The following EVI5 variants were observed in gnomAD, a reference collection of about 807,000 sequenced individuals.
EVI5 encodes the protein ecotropic viral integration site 5 protein homolog.
EVI5 carries 73 observed loss-of-function variants against 112.0 expected under a neutral mutation model. The observed-to-expected ratio is 0.65, with a 90% CI of 0.54 to 0.79. The LOEUF is 0.79. Among genes scored for constraint, EVI5 ranks in the 30% least tolerant of loss-of-function variants. The probability of loss-of-function intolerance (pLI) is 0.00; values close to 1 mark genes in which losing one functional copy is unlikely to be tolerated. For synonymous variants in EVI5, 305 were observed against 319.9 expected, an observed-to-expected ratio of 0.95 and a Z score of 0.50; for missense variants, 900 against 968.8, an observed-to-expected ratio of 0.93 and a Z score of 0.94.
intron 5 of EVI5, among the ~76,000 whole-genome samples, chr1:92,699,650 T>A (rs6660136): frequency 0.57 from 87,418 of 152,038 alleles, 26,914 homozygotes; most frequent in East Asian, 0.92. Context: ...CTAGGCTATA[T>A]GCTATATAGC....
intron 5 of EVI5, among the ~76,000 whole-genome samples, chr1:92,698,268 C>G (rs945493086): frequency 6.6e-6 from 1 of 152,214 alleles, no homozygotes; most frequent in South Asian, 2.1e-4. Flanking sequence ...ATACTTTTCT[C>G]TCTCTGGGTA....
intron 18 of EVI5, chr1:92,580,904 T>C (rs1209254015): frequency 1.3e-5 from 2 of 152,238 alleles, no homozygotes; most frequent in East Asian, 3.8e-4. Flanking sequence ...ATTGAATTAA[T>C]GTTAAGTTGT....
chr1:92,569,399 A>T, intron 18 of EVI5, among the ~76,000 whole-genome samples: 1 of 152,180 alleles, frequency 6.6e-6, no homozygotes, highest in Admixed American at 6.5e-5. Flanking sequence ...AGCCTCTGAT[A>T]ATTTAAATGG....
chr1:92,713,938 T>A, intron 2 of EVI5: 1 of 775,074 alleles, frequency 1.3e-6, no homozygotes, highest in South Asian at 6.0e-5. Context: ...ACTCAAAATT[T>A]AAATTAGCAA....
At position 92,625,846 on chromosome 1, in the gene EVI5, A is replaced by C. The variant is rs752703757; in HGVS notation, c.1616T>G (p.Met539Arg). Residue 539 changes from methionine to arginine, a missense_variant, in exon 15 of 20, where the codon ATG becomes AGG. By Grantham distance (91) the Met-to-Arg change is moderately conservative. Transcript: ENST00000684568. ...AVKLREAEAIMGLKELRQQVK... is the reference protein window; with the variant it reads ...AVKLREAEAIRGLKELRQQVK... The stretch of plus-strand genomic sequence containing the variant: ...TTGCTGTCTAAGTTCTTTCAAACCC[A>C]TAATGGCTTCTGCTTCTCTAAGTTT... 8.1e-6 allele frequency: 13 copies of C among 1,612,884 alleles called. No homozygotes were observed. The highest frequency in any genetic ancestry group is 1.3e-5 in the African/African-American group (1 of 74,894).
At chr1:92,691,090 A>G (rs567204316) in intron 9 of EVI5, among the ~76,000 whole-genome samples, 1 of 152,208 alleles carries the variant, frequency 6.6e-6, no homozygotes, top group Non-Finnish European at 1.5e-5. Flanking sequence ...GAAGATTGGA[A>G]TAGGTGGTGC....
In EVI5 at chr1:92,719,801, T is replaced by C. The variant is rs145118276; in HGVS notation, c.150-15057A>G. Among the ~76,000 whole-genome samples, 755 of 152,148 alleles carry C rather than the reference T, an allele frequency of 5.0e-3. 5 individuals are homozygous for C. Among genetic ancestry groups the C allele is most frequent in the Middle Eastern group, 0.014 (4 of 294 alleles). On this transcript the variant is annotated intron_variant, in intron 2 of 19. Coordinates refer to ENST00000684568, the MANE Select transcript of EVI5 (RefSeq NM_001350197.2). The stretch of plus-strand genomic sequence containing the variant: ...GTGATTGTATATTTGTAAAACCCCA[T>C]TGTCTCAGCCCAAAATCTCCTTAAG...
At chr1:92,730,856 C>A (rs1047845808) in intron 2 of EVI5, among the ~76,000 whole-genome samples, 1 of 151,952 alleles carries the variant, frequency 6.6e-6, no homozygotes, top group Non-Finnish European at 1.5e-5. Flanking sequence ...TAGCAATGGT[C>A]AAGAAAATAA....
At chr1:92,525,929 C>T (rs1571315688) in intron 19 of EVI5, among the ~76,000 whole-genome samples, 1 of 152,132 alleles carries the variant, frequency 6.6e-6, no homozygotes, top group East Asian at 1.9e-4. Context: ...TCTATGGAAA[C>T]CCAGGAGCTT....
intron 15 of EVI5, 135 bp from the exon 16 acceptor site, chr1:92,624,469 C>T (rs1655215608): frequency 1.4e-6 from 1 of 701,746 alleles, no homozygotes; most frequent in South Asian, 1.8e-5. Context: ...CCTAGAAAAT[C>T]CTATTAATCA....
chr1:92,695,463 A>C lies in EVI5; in HGVS notation c.766-10T>G, dbSNP rs1388669781. On this transcript the variant is annotated splice_polypyrimidine_tract_variant and intron_variant, in intron 6 of 19. Coordinates refer to ENST00000684568, the MANE Select transcript of EVI5 (RefSeq NM_001350197.2). ...GCTCTGGAAGATGCTCCTAAAGAGA[A>C]GAAAATAATTAGTTATAACACAGTA... 1 of 1,565,958 alleles carries C rather than the reference A, an allele frequency of 6.4e-7. No individual in the cohort carries two copies. The highest frequency in any genetic ancestry group is 2.2e-5 in the East Asian group (1 of 44,636).
At chr1:92,654,105 T>G (rs1176894947) in intron 13 of EVI5, among the ~76,000 whole-genome samples, 1 of 152,014 alleles carries the variant, frequency 6.6e-6, no homozygotes, top group African/African-American at 2.4e-5. Flanking sequence ...ACTTGTCCCC[T>G]GCTAGGGGGT....
chr1:92,721,265 T>C (rs1384337770), intron 2 of EVI5, among the ~76,000 whole-genome samples: 2 of 152,130 alleles, frequency 1.3e-5, no homozygotes, highest in African/African-American at 4.8e-5. Context: ...TAGCAAAAAC[T>C]TGGAACCAAC....
intron 2 of EVI5, among the ~76,000 whole-genome samples, chr1:92,709,125 A>T (rs1255803359): frequency 6.6e-6 from 1 of 152,216 alleles, no homozygotes; most frequent in Non-Finnish European, 1.5e-5. Flanking sequence ...TATCTGAATA[A>T]AGCCATTATA....
chr1:92,562,128 A>C (rs909032831), intron 19 of EVI5, among the ~76,000 whole-genome samples: 1 of 152,188 alleles, frequency 6.6e-6, no homozygotes, highest in Admixed American at 6.5e-5. Flanking sequence ...ATTTCCTCTG[A>C]GAACACCTTT....
intron 19 of EVI5, among the ~76,000 whole-genome samples, chr1:92,558,528 T>C (rs1007652373): frequency 1.3e-5 from 2 of 152,186 alleles, no homozygotes; most frequent in Non-Finnish European, 2.9e-5. Flanking sequence ...GAGATAAACA[T>C]ACTTCTAACA....
intron 19 of EVI5, among the ~76,000 whole-genome samples, chr1:92,525,937 C>A (rs1661795233): frequency 6.6e-6 from 1 of 152,200 alleles, no homozygotes; most frequent in Admixed American, 6.5e-5. Flanking sequence ...AACCCAGGAG[C>A]TTTAATATAA....
intron 1 of EVI5, among the ~76,000 whole-genome samples, chr1:92,770,038 T>C (rs1317894060): frequency 6.6e-6 from 1 of 152,126 alleles, no homozygotes; most frequent in Non-Finnish European, 1.5e-5. Context: ...GGTTTGAAGA[T>C]GGAGGATGGA....
At chr1:92,601,025 T>C (rs1390399564) in intron 18 of EVI5, among the ~76,000 whole-genome samples, 1 of 152,080 alleles carries the variant, frequency 6.6e-6, no homozygotes, top group Non-Finnish European at 1.5e-5. Context: ...GTAGCAAAGT[T>C]AGGGGAGGTG....
Sources: gnomAD v4.1 joint callset for allele counts (sites outside exome capture counted in the v4.1 genomes callset) on GRCh38, gnomAD v4.1.1 for gene constraint, MANE v1.5 for transcripts, NCBI Gene and HGNC (gene_info 2026-07-23, HGNC 2026-07-21) for gene names.